CDH13: variants seen among roughly 807,000 people sequenced by gnomAD.
CDH13 encodes cadherin-13.
Under a neutral mutation model 63.8 loss-of-function variants are expected in CDH13, and 24 were observed. The observed-to-expected ratio is 0.38, with a 90% CI of 0.27 to 0.53. CDH13 has a LOEUF of 0.53. CDH13 is among the 20% of genes least tolerant of loss of function. CDH13 has a pLI of 0.85. For synonymous variants in CDH13, 503 were observed against 355.3 expected, an observed-to-expected ratio of 1.42 and a Z score of -4.67; for missense variants, 1,049 against 903.1, an observed-to-expected ratio of 1.16 and a Z score of -2.07.
At chr16:83,323,242 C>T (rs1305818083) in intron 5 of CDH13, among the ~76,000 whole-genome samples, 1 of 137,518 alleles carries the variant, frequency 7.3e-6, no homozygotes. Flanking sequence ...TTCTTTCTTT[C>T]CTTCCTTCCT....
rs192069515 is a variant in CDH13, at chr16:83,685,202, G to A, written c.1538+6741G>A. ...GCCATACCTAGCTGCAAGGGATTAT[G>A]GGAAGTATGGTCATTTGACTGGGAA... On this transcript the variant is annotated intron_variant, in intron 10 of 13. Coordinates refer to ENST00000567109, the MANE Select transcript of CDH13 (RefSeq NM_001257.5). 2.4e-4 allele frequency among the ~76,000 whole-genome samples: 37 copies of A among 152,256 alleles called. No homozygotes were observed. The East Asian group carries it at 7.0e-3, about 29-fold the overall frequency.
chr16:83,110,007 T>C (rs2034982638), intron 3 of CDH13, among the ~76,000 whole-genome samples: 1 of 152,202 alleles, frequency 6.6e-6, no homozygotes, highest in Non-Finnish European at 1.5e-5. Context: ...AAAGCGTATG[T>C]TTTTGTTTTA....
At chr16:83,306,571 G>A (rs1356939560) in intron 5 of CDH13, among the ~76,000 whole-genome samples, 5 of 152,134 alleles carry the variant, frequency 3.3e-5, no homozygotes, top group Admixed American at 6.6e-5. Flanking sequence ...AGTCAGCGCC[G>A]AATCCTTGAA....
intron 1 of CDH13, among the ~76,000 whole-genome samples, chr16:82,835,397 A>G (rs1430361765): frequency 6.6e-6 from 1 of 152,212 alleles, no homozygotes; most frequent in African/African-American, 2.4e-5. Context: ...CCTGGATTTA[A>G]ACTCCAAAGC....
intron 6 of CDH13, among the ~76,000 whole-genome samples, chr16:83,392,734 G>A (rs910431021): frequency 6.6e-5 from 10 of 152,168 alleles, no homozygotes; most frequent in South Asian, 2.1e-4. Flanking sequence ...ACCAGCGCAC[G>A]AGGCAGAATC....
At chr16:83,698,686 C>A (rs1429643396) in intron 10 of CDH13, among the ~76,000 whole-genome samples, 1 of 152,344 alleles carries the variant, frequency 6.6e-6, no homozygotes, top group Non-Finnish European at 1.5e-5. Context: ...GGTTTGCTAA[C>A]AAGCCGGGTC....
At chr16:83,630,364 G>A (rs1202785586) in intron 8 of CDH13, among the ~76,000 whole-genome samples, 3 of 152,202 alleles carry the variant, frequency 2.0e-5, no homozygotes, top group South Asian at 2.1e-4. Flanking sequence ...GCCTCAGGAG[G>A]TCCTGATGAC....
At chr16:82,914,181 C>A (rs1416169895) in intron 2 of CDH13, among the ~76,000 whole-genome samples, 1 of 152,080 alleles carries the variant, frequency 6.6e-6, no homozygotes, top group Admixed American at 6.5e-5. Context: ...CTAGGGCAGG[C>A]TTCTACTTAG....
At chr16:83,692,178 A>G (rs1331509931) in intron 10 of CDH13, among the ~76,000 whole-genome samples, 2 of 152,224 alleles carry the variant, frequency 1.3e-5, no homozygotes, top group Non-Finnish European at 2.9e-5. Context: ...TCTGTTTTTC[A>G]GAATAAAATT....
At chr16:83,012,643 A>G (rs989800042) in intron 2 of CDH13, among the ~76,000 whole-genome samples, 3 of 152,144 alleles carry the variant, frequency 2.0e-5, no homozygotes, top group African/African-American at 7.2e-5. Flanking sequence ...GAAGACAAAC[A>G]GTTTTGCACC....
chr16:83,021,345 G>T (rs377655203), intron 2 of CDH13, among the ~76,000 whole-genome samples: 206 of 152,296 alleles, frequency 1.4e-3, no homozygotes, highest in African/African-American at 4.7e-3. Context: ...CAAATTCGTA[G>T]TGATTATAAC....
At chr16:83,156,600 A>G (rs2037216999) in intron 4 of CDH13, among the ~76,000 whole-genome samples, 1 of 152,196 alleles carries the variant, frequency 6.6e-6, no homozygotes, top group African/African-American at 2.4e-5. Context: ...GCCTCCAGAT[A>G]AAAGGCACCA....
At chr16:83,305,745 G>A (rs1218075306) in intron 5 of CDH13, among the ~76,000 whole-genome samples, 1 of 152,090 alleles carries the variant, frequency 6.6e-6, no homozygotes, top group African/African-American at 2.4e-5. Context: ...TCTGTACAAT[G>A]GGATTAATAC....
intron 1 of CDH13, among the ~76,000 whole-genome samples, chr16:82,814,000 A>G (rs1567561699): frequency 6.6e-6 from 1 of 152,108 alleles, no homozygotes; most frequent in Admixed American, 6.6e-5. Context: ...TTCCTATTCA[A>G]ATACCGGCTG....
At chr16:82,906,801 G>A (rs572037756) in intron 2 of CDH13, among the ~76,000 whole-genome samples, 1 of 152,222 alleles carries the variant, frequency 6.6e-6, no homozygotes, top group African/African-American at 2.4e-5. Context: ...GGCAGTCCTT[G>A]GCATTCCCTG....
At chr16:83,280,376 C>CCATT (rs1366792565) in intron 5 of CDH13, among the ~76,000 whole-genome samples, 2 of 152,334 alleles carry the variant, frequency 1.3e-5, no homozygotes, top group East Asian at 3.9e-4. Context: ...AATTCTTCAT[C>CCATT]CATTCATGTT....
chr16:83,278,168 C>A (rs992150911), intron 5 of CDH13, among the ~76,000 whole-genome samples: 1 of 152,066 alleles, frequency 6.6e-6, no homozygotes, highest in African/African-American at 2.4e-5. Context: ...TGCAGTTATT[C>A]AATTTTAAGT....
chr16:83,477,252 A>T (rs1007635252), intron 6 of CDH13, among the ~76,000 whole-genome samples: 3 of 152,234 alleles, frequency 2.0e-5, no homozygotes, highest in Admixed American at 2.0e-4. Flanking sequence ...TCATTGCTCA[A>T]CTTGTCATAA....
intron 3 of CDH13, among the ~76,000 whole-genome samples, chr16:83,110,427 G>A (rs114052527): frequency 1.3e-5 from 2 of 152,330 alleles, no homozygotes; most frequent in Admixed American, 1.3e-4. Flanking sequence ...TTTATGCCTT[G>A]CAATGCGGAA....
Sources: gnomAD v4.1 joint callset for allele counts (sites outside exome capture counted in the v4.1 genomes callset) on GRCh38, gnomAD v4.1.1 for gene constraint, MANE v1.5 for transcripts, NCBI Gene and HGNC (gene_info 2026-07-23, HGNC 2026-07-21) for gene names.